Variants in STON2 observed in about 807,000 individuals in gnomAD.
The protein encoded by STON2 is stonin-2.
Under a neutral mutation model 65.7 loss-of-function variants are expected in STON2, and 29 were observed. That is an observed-to-expected ratio of 0.44 (90% CI 0.33 to 0.60). The LOEUF (loss-of-function observed/expected upper bound fraction) is 0.60. Among genes scored for constraint, STON2 ranks in the 20% least tolerant of loss-of-function variants. The probability of loss-of-function intolerance (pLI) is 0.03; values close to 1 mark genes in which losing one functional copy is unlikely to be tolerated. For missense variants in STON2, 1,054 were observed against 1,118.1 expected (o/e 0.94, Z 0.82); for synonymous variants, 404 against 414.2 (o/e 0.98, Z 0.30).
chr14:81,311,151 T>A (rs1896410644), intron 5 of STON2, among the ~76,000 whole-genome samples: 2 of 152,154 alleles, frequency 1.3e-5, no homozygotes, highest in African/African-American at 4.8e-5. Context: ...TTTATATTCT[T>A]TTTTGTATTG....
At chr14:81,354,963 T>C (rs1275089161) in intron 4 of STON2, among the ~76,000 whole-genome samples, 3 of 150,860 alleles carry the variant, frequency 2.0e-5, no homozygotes, top group African/African-American at 7.3e-5. Context: ...GAAGTTGCAG[T>C]GAGCAGAGAT....
intron 5 of STON2, among the ~76,000 whole-genome samples, chr14:81,290,779 G>C (rs1895525620): frequency 6.6e-6 from 1 of 152,112 alleles, no homozygotes. Context: ...AATTGGATTT[G>C]GAGTTGGTAA....
At chr14:81,392,072 G>A (rs1218455987) in intron 3 of STON2, among the ~76,000 whole-genome samples, 1 of 152,120 alleles carries the variant, frequency 6.6e-6, no homozygotes, top group Non-Finnish European at 1.5e-5. Context: ...TTAAGAGGGT[G>A]CCAAAAAACT....
chr14:81,392,522 C>T (rs1266628581), intron 3 of STON2, among the ~76,000 whole-genome samples: 1 of 152,158 alleles, frequency 6.6e-6, no homozygotes, highest in Non-Finnish European at 1.5e-5. Flanking sequence ...AAAATTCCTG[C>T]AACACCAGGT....
At chr14:81,297,228 G>A (rs529700206) in intron 5 of STON2, among the ~76,000 whole-genome samples, 24 of 152,276 alleles carry the variant, frequency 1.6e-4, no homozygotes, top group African/African-American at 5.8e-4. Flanking sequence ...GGTCTGTCTA[G>A]AGCTATACCA....
rs147885542 is a variant in STON2 at position 81,277,059 on chromosome 14, T to G, written c.2423A>C (p.Lys808Thr). 3.7e-5 allele frequency: 59 copies of G among 1,614,212 alleles called. No homozygotes were observed. The highest frequency in any genetic ancestry group is 3.0e-4 in the Admixed American group (18 of 60,018). Residue 808 changes from lysine (K) to threonine (T), a missense_variant, in exon 6 of 8, where the codon AAG (lysine) becomes ACG (threonine). Coordinates refer to ENST00000614646, the MANE Select transcript of STON2 (RefSeq NM_001394390.1). ...NFRRESVLGE[K>T]SLKAKVNRGA... Reference sequence around the variant, plus strand: ...CCGGTTCACTTTGGCTTTCAAAGACTTTTCCCCCAGGACACTTTCCCTGCG... The same window carrying G: ...CCGGTTCACTTTGGCTTTCAAAGACGTTTCCCCCAGGACACTTTCCCTGCG...
At chr14:81,380,453 C>T (rs1899458940) in intron 3 of STON2, among the ~76,000 whole-genome samples, 1 of 152,194 alleles carries the variant, frequency 6.6e-6, no homozygotes, top group African/African-American at 2.4e-5. Flanking sequence ...GAACTTAAAA[C>T]AGAACCACCA....
At chr14:81,431,469 C>T (rs1902222622) in intron 1 of STON2, among the ~76,000 whole-genome samples, 1 of 152,064 alleles carries the variant, frequency 6.6e-6, no homozygotes, top group Non-Finnish European at 1.5e-5. Context: ...AAAACCTCAT[C>T]TCTACTAAAA....
chr14:81,427,140 A>G (rs1902016848), exon 2 of STON2: 1 of 152,226 alleles, frequency 6.6e-6, no homozygotes, highest in African/African-American at 2.4e-5. Context: ...GTCTGGCTCC[A>G]GAGTCTGTAC....
intron 7 of STON2, chr14:81,269,784 T>C (rs1475957451): frequency 1.0e-6 from 1 of 985,328 alleles, no homozygotes; most frequent in African/African-American, 1.7e-5. Context: ...TTTAATCTCC[T>C]ATTGAATTTC....
chr14:81,381,995 G>A (rs114765713), intron 3 of STON2, among the ~76,000 whole-genome samples: 4,073 of 152,144 alleles, frequency 0.027, 187 homozygotes, highest in African/African-American at 0.092. Context: ...TGACACAGGC[G>A]GATTACGAGG....
At chr14:81,351,237 A>C (rs1350487878) in intron 4 of STON2, among the ~76,000 whole-genome samples, 1 of 149,978 alleles carries the variant, frequency 6.7e-6, no homozygotes, top group Non-Finnish European at 1.5e-5. Context: ...ATGTGGCAAA[A>C]ATGGGAAATG....
At chr14:81,342,830 A>C (rs535872495) in intron 4 of STON2, among the ~76,000 whole-genome samples, 1 of 152,254 alleles carries the variant, frequency 6.6e-6, no homozygotes, top group Admixed American at 6.5e-5. Context: ...CCAGGGTCTG[A>C]GGGGCAACCT....
At chr14:81,355,375 A>G (rs749808578) in intron 4 of STON2, among the ~76,000 whole-genome samples, 1 of 152,196 alleles carries the variant, frequency 6.6e-6, no homozygotes, top group Non-Finnish European at 1.5e-5. Context: ...GACAAATAAA[A>G]AATTATGAGC....
At chr14:81,333,465 T>A in intron 4 of STON2, 1 of 276,418 alleles carries the variant, frequency 3.6e-6, no homozygotes, top group South Asian at 5.8e-5. Context: ...GTTACTGTTA[T>A]GGCTCTAATT....
intron 5 of STON2, among the ~76,000 whole-genome samples, chr14:81,310,239 A>T (rs1896370957): frequency 6.6e-6 from 1 of 152,236 alleles, no homozygotes; most frequent in Admixed American, 6.5e-5. Context: ...TAAAATAAAA[A>T]TTCACATTAA....
intron 3 of STON2, among the ~76,000 whole-genome samples, chr14:81,385,430 T>C (rs1312687112): frequency 6.6e-6 from 1 of 152,192 alleles, no homozygotes; most frequent in Non-Finnish European, 1.5e-5. Flanking sequence ...TATGTATGTA[T>C]GTGTGTATGT....
chr14:81,382,127 G>A (rs947769769), intron 3 of STON2, among the ~76,000 whole-genome samples: 7 of 152,080 alleles, frequency 4.6e-5, no homozygotes, highest in Admixed American at 4.6e-4. Flanking sequence ...GCTGAGGCAG[G>A]AGAATCGCTT....
intron 4 of STON2, among the ~76,000 whole-genome samples, chr14:81,341,460 T>C (rs1266472370): frequency 6.7e-6 from 1 of 149,784 alleles, no homozygotes; most frequent in Non-Finnish European, 1.5e-5. Flanking sequence ...TTTTTTTGTT[T>C]TTTTTTTTTC....
Sources: gnomAD v4.1 joint callset for allele counts (sites outside exome capture counted in the v4.1 genomes callset) on GRCh38, gnomAD v4.1.1 for gene constraint, MANE v1.5 for transcripts, NCBI Gene and HGNC (gene_info 2026-07-23, HGNC 2026-07-21) for gene names.